Variants in MAPK15 observed in about 807,000 individuals in gnomAD.
MAPK15 encodes the protein ERK-7.
Under a neutral mutation model 60.8 loss-of-function variants are expected in MAPK15, and 61 were observed. The ratio of observed to expected loss-of-function variants is 1.00; its 90% CI spans 0.82 to 1.24. The LOEUF is 1.24. MAPK15 is among the 50% of genes most tolerant of loss of function. MAPK15 has a pLI of 0.00. For synonymous variants in MAPK15, 356 were observed against 319.9 expected (o/e 1.11, Z -1.21); for missense variants, 808 against 741.1 (o/e 1.09, Z -1.05).
Position 143,720,943 on chromosome 8 carries a change from C to T in MAPK15, c.918-57C>T, listed in dbSNP as rs75029117. 1.9e-3 allele frequency: 3,056 copies of T among 1,574,972 alleles called. 57 individuals are homozygous for T. The African/African-American group carries it at 0.036, about 19-fold the overall frequency. ...CCCCACAGCAGGGACCCTGCTGTGA[C>T]GGCTTGAGGGGCTCCCTTGGCCGCA... On this transcript the variant is annotated intron_variant, in intron 9 of 13. Transcript: ENST00000338033. This position sits in a 1 kb window ranked among gnomAD's most constrained non-coding sequence, Gnocchi z 4.6.
rs938761772 is a variant in MAPK15 at position 143,719,464 on chromosome 8, C to G, written c.703C>G (p.Pro235Ala). The G allele has an allele frequency of 1.2e-6, 2 of 1,607,792 alleles. No individual in the cohort carries two copies. Among genetic ancestry groups the G allele is most frequent in the Non-Finnish European group, 1.7e-6 (2 of 1,178,274 alleles). ...GCTGGAGCTGATCCTGGAGACCATC[C>G]CACCGCCATCTGAGGAGGGTGAGCC... ...HQLELILETI[P>A]PPSEEDLLAL... Residue 235 changes from proline (P) to alanine (A), a missense_variant, in exon 7 of 14, where the codon CCA becomes GCA. By Grantham distance (27) the Pro-to-Ala change is conservative. Coordinates refer to ENST00000338033, the MANE Select transcript of MAPK15 (RefSeq NM_139021.3).
In MAPK15 at chr8:143,719,091, G is replaced by T. The variant is rs868943271; in HGVS notation, c.516G>T (p.Gln172His). The T allele has an allele frequency of 6.4e-7, 1 of 1,568,782 alleles. No individual in the cohort carries two copies. The highest frequency in any genetic ancestry group is 1.2e-5 in the South Asian group (1 of 86,016). ...ACCTCCCCGAGGGGCCTGAGGACCA[G>T]GCCGTGACAGAGTACGTGGCCACAC... ...LGDLPEGPED[Q>H]AVTEYVATRW... The change falls in exon 6 of 14, where the codon CAG becomes CAT. Residue 172 changes from glutamine to histidine, a missense_variant. Physicochemically the swap from Gln to His is conservative, Grantham distance 24. Coordinates refer to ENST00000338033, the MANE Select transcript of MAPK15 (RefSeq NM_139021.3).
rs1268562073 is a variant in MAPK15 at position 143,721,556 on chromosome 8, C to T, written c.1212C>T (p.Pro404=). The T allele has an allele frequency of 1.2e-6, 2 of 1,613,680 alleles. No homozygotes were observed. Among genetic ancestry groups the T allele is most frequent in the African/African-American group, 1.3e-5 (1 of 74,928 alleles). ...PGHDPAEHES[P]RAAKNVPRQN... is the part of the protein sequence containing the mutation. ...GACCCACTGACCCCACAGAGTCCCC[C>T]CGTGCAGCCAAGAACGTTCCCAGGC... The change falls in exon 12 of 14, where the codon CCC becomes CCT. Residue 404 remains proline, a synonymous_variant. Transcript: ENST00000338033.
At position 143,719,156 on chromosome 8, in the gene MAPK15, G is replaced by A. The variant is rs371133489; in HGVS notation, c.581G>A (p.Arg194Gln). The change falls in exon 6 of 14, where the codon CGA becomes CAA. Residue 194 changes from arginine to glutamine, a missense_variant and splice_region_variant. By Grantham distance (43) the Arg-to-Gln change is conservative. Transcript: ENST00000338033. ...CCGGAGGTGCTGCTCTCTTCGCACC[G>A]GTAATAGCGAGACATCCCCAACCCC... ...RAPEVLLSSH[R>Q]YTLGVDMWSL... is the part of the protein sequence containing the mutation. 24 of 1,530,114 alleles carry A rather than the reference G, an allele frequency of 1.6e-5. No individual in the cohort carries two copies. Among genetic ancestry groups the A allele is most frequent in the African/African-American group, 1.1e-4 (8 of 71,340 alleles). The allele number at this position is 1,530,114 out of a possible 1,614,324, so 94.8% of individuals were successfully genotyped here.
intron 1 of MAPK15, among the ~76,000 whole-genome samples, chr8:143,716,898 GTGTGTGTGTGTGAGCATGTAAGCC>G (rs1563747013): frequency 2.0e-5 from 3 of 151,814 alleles, no homozygotes; most frequent in African/African-American, 4.8e-5. Context: ...TTGTGTATCT[GTGTGTGTGTGTGAGCATGTAAGCC>G]TGTGTGTGTG....
rs1818035608 is a variant in MAPK15 at position 143,720,991 on chromosome 8, TCCCTGCAGGTTC to T, written c.918-7_922del. 6.2e-7 allele frequency: 1 copy of T among 1,605,676 alleles called. No individual in the cohort carries two copies. The highest frequency in any genetic ancestry group is 1.3e-5 in the African/African-American group (1 of 74,452). On this transcript the variant is annotated splice_acceptor_variant and splice_polypyrimidine_tract_variant and coding_sequence_variant and intron_variant, in exon 10 of 14. Transcript: ENST00000338033. LOFTEE classifies it high-confidence loss of function. This position sits in a 1 kb window ranked among gnomAD's most constrained non-coding sequence, Gnocchi z 4.6. ...GCAGCCCGGGCCCCACCTCCCTGGC[TCCCTGCAGGTTC>T]CACTGCCCCAGCGACGAGTGGGCAC...
rs972519552 is a variant in MAPK15 at position 143,720,897 on chromosome 8, A to C, written c.917+57A>C. The stretch of plus-strand genomic sequence containing the variant: ...GGGGACAGAGGTGGGGGCAGGAGAG[A>C]GCCAGCCCATGAGGGACAGCCCCCA... On this transcript the variant is annotated intron_variant, in intron 9 of 13. Transcript: ENST00000338033. This position sits in a 1 kb window ranked among gnomAD's most constrained non-coding sequence, Gnocchi z 4.6. The C allele has an allele frequency of 4.4e-6, 7 of 1,590,772 alleles. No homozygotes were observed. Among genetic ancestry groups the C allele is most frequent in the Non-Finnish European group, 5.1e-6 (6 of 1,168,166 alleles).
At position 143,720,999 on chromosome 8, in the gene MAPK15, G is replaced by A; in HGVS notation, c.918-1G>A. On this transcript the variant is annotated splice_acceptor_variant, in intron 9 of 13. Coordinates refer to ENST00000338033, the MANE Select transcript of MAPK15 (RefSeq NM_139021.3). LOFTEE classifies it high-confidence loss of function. This position sits in a 1 kb window ranked among gnomAD's most constrained non-coding sequence, Gnocchi z 4.6. ...GGCCCCACCTCCCTGGCTCCCTGCA[G>A]GTTCCACTGCCCCAGCGACGAGTGG... is the stretch of plus-strand genomic sequence containing the variant. The A allele has an allele frequency of 4.4e-6, 7 of 1,608,974 alleles. No homozygotes were observed. The highest frequency in any genetic ancestry group is 5.9e-6 in the Non-Finnish European group (7 of 1,178,238).
chr8:143,719,399 G>C lies in MAPK15; in HGVS notation c.638G>C (p.Arg213Pro), dbSNP rs149683519. 4 of 1,611,274 alleles carry C rather than the reference G, an allele frequency of 2.5e-6. No homozygotes were observed. Among genetic ancestry groups the C allele is most frequent in the East Asian group, 2.2e-5 (1 of 44,836 alleles). The change falls in exon 7 of 14, where the codon CGG (arginine) becomes CCG (proline). Residue 213 changes from arginine to proline, a missense_variant. Coordinates refer to ENST00000338033, the MANE Select transcript of MAPK15 (RefSeq NM_139021.3). Reference protein sequence around the residue: ...SLGCILGEMLRGRPLFPGTST... With the variant: ...SLGCILGEMLPGRPLFPGTST... ...GGCTGTATCCTGGGGGAGATGCTGC[G>C]GGGGAGACCCCTGTTCCCCGGCACG...
chr8:143,719,312 C>G (rs373188711), intron 6 of MAPK15, 31 bp from the exon 7 acceptor site: 321 of 1,565,434 alleles, frequency 2.1e-4, no homozygotes, highest in Non-Finnish European at 2.7e-4. Flanking sequence ...GCCTCTGGGT[C>G]TCTCCATGCC....
At position 143,716,457 on chromosome 8, in the gene MAPK15, G is replaced by T; in HGVS notation, c.66+14G>T. 12 of 1,592,300 alleles carry T rather than the reference G, an allele frequency of 7.5e-6. No homozygotes were observed. The highest frequency in any genetic ancestry group is 1.0e-5 in the Non-Finnish European group (12 of 1,171,874). ...CTCGGGCAGGGGGTGAGTGCCTGGG[G>T]GTGCGTCCGCGCGCCGAGGGGCGCG... On this transcript the variant is annotated intron_variant, in intron 1 of 13. Transcript: ENST00000338033.
In MAPK15 at chr8:143,719,117, G is replaced by A. The variant is rs569840820; in HGVS notation, c.542G>A (p.Arg181His). The A allele has an allele frequency of 1.2e-4, 188 of 1,559,276 alleles. 6 individuals are homozygous for A. The South Asian group carries it at 2.1e-3, about 17-fold the overall frequency. ...GCCGTGACAGAGTACGTGGCCACAC[G>A]CTGGTACCGAGCACCGGAGGTGCTG... is the stretch of plus-strand genomic sequence containing the variant. Reference protein sequence around the residue: ...DQAVTEYVATRWYRAPEVLLS... With the variant: ...DQAVTEYVATHWYRAPEVLLS... The change falls in exon 6 of 14, where the codon CGC becomes CAC. Residue 181 changes from arginine to histidine, a missense_variant. Transcript: ENST00000338033.
intron 1 of MAPK15, among the ~76,000 whole-genome samples, chr8:143,717,448 C>T (rs1563747443): frequency 6.6e-6 from 1 of 152,110 alleles, no homozygotes; most frequent in East Asian, 1.9e-4. Context: ...CATTTCCTGC[C>T]CAGACGCTCC....
chr8:143,716,615 A>C (rs1232372155), intron 1 of MAPK15, among the ~76,000 whole-genome samples, 172 bp downstream of exon 1: 1 of 152,012 alleles, frequency 6.6e-6, no homozygotes, highest in East Asian at 1.9e-4. Flanking sequence ...CAGTTTCCTC[A>C]TGGGGTAACA....
In MAPK15 at chr8:143,719,402, G is replaced by C. The variant is rs201456897; in HGVS notation, c.641G>C (p.Gly214Ala). The C allele has an allele frequency of 3.7e-5, 59 of 1,611,618 alleles. No individual in the cohort carries two copies. Among genetic ancestry groups the C allele is most frequent in the East Asian group, 1.1e-4 (5 of 44,820 alleles). ...TGTATCCTGGGGGAGATGCTGCGGG[G>C]GAGACCCCTGTTCCCCGGCACGTCC... The part of the protein sequence containing the change: ...LGCILGEMLR[G>A]RPLFPGTSTL... The change falls in exon 7 of 14, where the codon GGG becomes GCG. Residue 214 changes from glycine to alanine, a missense_variant. Physicochemically the swap from Gly to Ala is moderately conservative, Grantham distance 60. Transcript: ENST00000338033.
intron 2 of MAPK15, 109 bp downstream of exon 2, chr8:143,717,901 T>TTCCATGC: frequency 6.7e-7 from 1 of 1,491,280 alleles, no homozygotes; most frequent in Middle Eastern, 1.8e-4. Flanking sequence ...ATAGCAGATG[T>TTCCATGC]TCTGGCCTGT....
Position 143,720,351 on chromosome 8 carries a change from C to G in MAPK15, c.779+64C>G. ...TATCTCAAGGGAGCAGGGCCACCTT[C>G]CTGCAAGTTTACTGGGGCCAGTTTG... is the stretch of plus-strand genomic sequence containing the variant. On this transcript the variant is annotated intron_variant, in intron 8 of 13. Transcript: ENST00000338033. The surrounding 1 kb of genome is among the most constrained non-coding windows in gnomAD (Gnocchi z 4.6). 2 of 1,484,204 alleles carry G rather than the reference C, an allele frequency of 1.3e-6. No homozygotes were observed. The allele number at this position is 1,484,204 out of a possible 1,614,324, so 91.9% of individuals were successfully genotyped here.
At position 143,718,196 on chromosome 8, in the gene MAPK15, C is replaced by T. The variant is rs1184847934; in HGVS notation, c.196-16C>T. On this transcript the variant is annotated splice_polypyrimidine_tract_variant and intron_variant, in intron 3 of 13. Transcript: ENST00000338033. ...GCCCCTCCTGGCCTTCCAGCCGCCT[C>T]CGACTCTCTCCCCAGGAGTTTGGGG... 2 of 1,614,024 alleles carry T rather than the reference C, an allele frequency of 1.2e-6. No homozygotes were observed. The highest frequency in any genetic ancestry group is 2.7e-5 in the African/African-American group (2 of 75,056).
chr8:143,720,254 G>C lies in MAPK15; in HGVS notation c.746G>C (p.Cys249Ser). ...EEDLLALGSG[C>S]RASVLHQLGS... The stretch of plus-strand genomic sequence containing the variant: ...GACCTCCTGGCTCTCGGCTCAGGCT[G>C]CCGTGCCTCTGTGCTGCACCAGCTG... The change falls in exon 8 of 14, where the codon TGC becomes TCC. Residue 249 changes from cysteine (C) to serine (S), a missense_variant. By Grantham distance (112) the Cys-to-Ser change is moderately radical. Transcript: ENST00000338033. The surrounding 1 kb of genome is among the most constrained non-coding windows in gnomAD (Gnocchi z 4.6). 1 of 1,588,264 alleles carries C rather than the reference G, an allele frequency of 6.3e-7. No individual in the cohort carries two copies. Among genetic ancestry groups the C allele is most frequent in the Non-Finnish European group, 8.6e-7 (1 of 1,166,824 alleles).
Sources: gnomAD v4.1 joint callset for allele counts (sites outside exome capture counted in the v4.1 genomes callset) on GRCh38, gnomAD v4.1.1 for gene constraint, Gnocchi (gnomAD v3.1) non-coding constraint, MANE v1.5 for transcripts, NCBI Gene and HGNC (gene_info 2026-07-23, HGNC 2026-07-21) for gene names.